Variants in TRIB2 observed in about 807,000 individuals in gnomAD.
TRIB2 encodes the protein tribbles pseudokinase 2, also known as tribbles homolog 2.
A neutral mutation model predicts 26.8 loss-of-function variants in TRIB2; 2 were observed. The ratio of observed to expected loss-of-function variants is 0.07; its 90% CI spans 0.03 to 0.24. The LOEUF (loss-of-function observed/expected upper bound fraction) is 0.24. TRIB2 is among the 10% of genes least tolerant of loss of function. The pLI is 1.00. For missense variants in TRIB2, 306 were observed against 449.0 expected (o/e 0.68, Z 2.88); for synonymous variants, 189 against 187.3 (o/e 1.01, Z -0.08).
intron 2 of TRIB2, among the ~76,000 whole-genome samples, chr2:12,728,802 G>A (rs757095065): frequency 1.3e-5 from 2 of 152,076 alleles, no homozygotes; most frequent in African/African-American, 2.4e-5. Context: ...TGGGGTGGAG[G>A]CGTTTCTCCT....
Position 12,723,499 on chromosome 2 carries a change from G to T in TRIB2, c.510G>T (p.Gly170=). ...ASAVAHCHDG[G]LVLRDLKLRK... ...CAGTGGCCCACTGCCATGACGGGGG[G>T]CTGGTGCTGCGGGACCTCAAGCTGC... Residue 170 remains glycine (G), a synonymous_variant, in exon 2 of 3, where the codon GGG becomes GGT. Coordinates refer to ENST00000155926, the MANE Select transcript of TRIB2 (RefSeq NM_021643.4). The T allele has an allele frequency of 3.1e-6, 5 of 1,614,204 alleles. No individual in the cohort carries two copies. The highest frequency in any genetic ancestry group is 4.2e-6 in the Non-Finnish European group (5 of 1,180,032).
At chr2:12,723,590 G>T in intron 2 of TRIB2, 38 bp downstream of exon 2, 1 of 1,587,002 alleles carries the variant, frequency 6.3e-7, no homozygotes, top group Non-Finnish European at 8.6e-7. Context: ...TACTGTGATG[G>T]ACTGCTCCTA....
At chr2:12,730,149 T>C (rs1661421978) in intron 2 of TRIB2, among the ~76,000 whole-genome samples, 1 of 152,216 alleles carries the variant, frequency 6.6e-6, no homozygotes, top group Non-Finnish European at 1.5e-5. Context: ...TGAAATAATA[T>C]CTAGGGCCCA....
chr2:12,739,379 C>T (rs1661658981), intron 2 of TRIB2, among the ~76,000 whole-genome samples: 1 of 152,206 alleles, frequency 6.6e-6, no homozygotes, highest in African/African-American at 2.4e-5. Context: ...CCTGCCTCGG[C>T]CTCCTGAGCA....
At chr2:12,724,954 T>C (rs1431390249) in intron 2 of TRIB2, 5 of 1,348,122 alleles carry the variant, frequency 3.7e-6, no homozygotes, top group Non-Finnish European at 4.9e-6. Context: ...GAGGTCATAT[T>C]TGTTTACCTC....
intron 2 of TRIB2, among the ~76,000 whole-genome samples, chr2:12,738,111 A>G (rs1204435328): frequency 6.6e-6 from 1 of 152,234 alleles, no homozygotes; most frequent in Non-Finnish European, 1.5e-5. Context: ...GAGTCAACCC[A>G]GGATTTCACT....
intron 2 of TRIB2, among the ~76,000 whole-genome samples, chr2:12,725,704 T>G (rs1661327216): frequency 6.6e-6 from 1 of 152,236 alleles, no homozygotes; most frequent in Non-Finnish European, 1.5e-5. Flanking sequence ...AGTGTGAATG[T>G]GAAACCGAAA....
Position 12,718,247 on chromosome 2 carries a change from C to A in TRIB2, c.-61C>A, listed in dbSNP as rs1319262612. 5.7e-6 allele frequency: 9 copies of A among 1,570,502 alleles called. No individual in the cohort carries two copies. The African/African-American group carries it at 1.1e-4, about 19-fold the overall frequency. On this transcript the variant is annotated 5_prime_UTR_variant, in exon 1 of 3. Transcript: ENST00000155926. The surrounding 1 kb of genome is among the most constrained non-coding windows in gnomAD (Gnocchi z 4.0). ...GCACCGAGGCGCCTGCAGCCGCACT[C>A]GCCAGCGACTCATCTCTCCAGCGGG...
chr2:12,718,472 G>T lies in TRIB2; in HGVS notation c.165G>T (p.Ser55=), dbSNP rs200061820. 3.4e-4 allele frequency: 548 copies of T among 1,614,110 alleles called. No individual in the cohort carries two copies. Among genetic ancestry groups the T allele is most frequent in the Admixed American group, 3.7e-4 (22 of 60,010 alleles). The change falls in exon 1 of 3, where the codon TCG becomes TCT. Residue 55 remains serine (S), a synonymous_variant. Transcript: ENST00000155926. This position sits in a 1 kb window ranked among gnomAD's most constrained non-coding sequence, Gnocchi z 4.0. ...GCCCGCCCGAGACTCCGAACTTGTC[G>T]CATTGCGTTTCTTGTATCGGGAAAT... The part of the protein sequence containing the change: ...SPSPPETPNL[S]HCVSCIGKYL...
At chr2:12,719,783 G>A (rs148861785) in intron 1 of TRIB2, among the ~76,000 whole-genome samples, 17 of 150,346 alleles carry the variant, frequency 1.1e-4, no homozygotes, top group African/African-American at 3.7e-4. Context: ...TCAGTTTTGC[G>A]ATTGTTCAGT....
chr2:12,728,203 T>C (rs1661374650), intron 2 of TRIB2, among the ~76,000 whole-genome samples: 1 of 102,246 alleles, frequency 9.8e-6, no homozygotes, highest in Non-Finnish European at 1.9e-5. Flanking sequence ...CATCATGGAA[T>C]TAAATGTATT....
At chr2:12,731,007 C>G (rs984530694) in intron 2 of TRIB2, among the ~76,000 whole-genome samples, 1 of 152,114 alleles carries the variant, frequency 6.6e-6, no homozygotes. Flanking sequence ...CATTCTATCT[C>G]GCAAACATTT....
chr2:12,727,754 GA>G (rs1661366315), intron 2 of TRIB2, among the ~76,000 whole-genome samples: 1 of 152,190 alleles, frequency 6.6e-6, no homozygotes, highest in South Asian at 2.1e-4. Context: ...GCATTTTGAG[GA>G]AGTTAATCTC....
At chr2:12,720,574 A>G (rs1310482405) in intron 1 of TRIB2, among the ~76,000 whole-genome samples, 1 of 151,480 alleles carries the variant, frequency 6.6e-6, no homozygotes, top group African/African-American at 2.4e-5. Context: ...GCTTACTTTA[A>G]GGCTCAGTGA....
rs75961432 is a variant in TRIB2 at position 12,717,488 on chromosome 2, G to C, written c.-820G>C. On this transcript the variant is annotated 5_prime_UTR_variant, in exon 1 of 3. Transcript: ENST00000155926. This position sits in a 1 kb window ranked among gnomAD's most constrained non-coding sequence, Gnocchi z 4.8. ...TGTGCTGACCTCCGCGCGGCGGGCC[G>C]AGCCCAGGGCTTTGTCGCGGTACCT... 1 of 398,318 alleles carries C rather than the reference G, an allele frequency of 2.5e-6. No individual in the cohort carries two copies. Among genetic ancestry groups the C allele is most frequent in the African/African-American group, 2.1e-5 (1 of 48,636 alleles). 24.7% of individuals were successfully genotyped at this position (398,318 alleles called of 1,614,324 possible).
chr2:12,724,937 A>G (rs184318696), intron 2 of TRIB2: 12 of 1,426,510 alleles, frequency 8.4e-6, no homozygotes, highest in Non-Finnish European at 1.1e-5. Context: ...TGCACCTACA[A>G]AAATAAGAGG....
rs1258703676 is a variant in TRIB2 at position 12,718,850 on chromosome 2, A to C, written c.270+273A>C. 6.6e-6 allele frequency among the ~76,000 whole-genome samples: 1 copy of C among 152,070 alleles called. No homozygotes were observed. The highest frequency in any genetic ancestry group is 1.5e-5 in the Non-Finnish European group (1 of 67,998). On this transcript the variant is annotated intron_variant, in intron 1 of 2. Transcript: ENST00000155926. The surrounding 1 kb of genome is among the most constrained non-coding windows in gnomAD (Gnocchi z 4.0). ...GGGGGCCACGGACACGCGTGCACCGAAGGCTCCAGGAGCTCTCTGCGCGAG... is the reference window on the plus strand; with the variant it reads ...GGGGGCCACGGACACGCGTGCACCGCAGGCTCCAGGAGCTCTCTGCGCGAG...
chr2:12,724,604 C>A, intron 2 of TRIB2: 2 of 1,603,460 alleles, frequency 1.2e-6, no homozygotes, highest in South Asian at 2.2e-5. Flanking sequence ...TGTGGAACCA[C>A]ATTTACCTTT....
Position 12,740,634 on chromosome 2 carries a change from G to C in TRIB2, c.872G>C (p.Arg291Pro). The C allele has an allele frequency of 6.2e-7, 1 of 1,614,162 alleles. No individual in the cohort carries two copies. The highest frequency in any genetic ancestry group is 2.2e-5 in the East Asian group (1 of 44,878). Residue 291 changes from arginine (R) to proline (P), a missense_variant, in exon 3 of 3, where the codon CGG becomes CCG. Physicochemically the swap from Arg to Pro is moderately radical, Grantham distance 103. Around this residue, in one of 4 missense-constraint regions of TRIB2, gnomAD observed 78 missense variants for 104.9 expected, o/e 0.74. Coordinates refer to ENST00000155926, the MANE Select transcript of TRIB2 (RefSeq NM_021643.4). The surrounding 1 kb of genome is among the most constrained non-coding windows in gnomAD (Gnocchi z 5.8). ...AKCLIRSILR[R>P]EPSERLTSQE... ...TGCCTCATCCGAAGCATTCTGCGTC[G>C]GGAGCCCTCAGAGCGGCTGACCTCG... is the stretch of plus-strand genomic sequence containing the variant.
Sources: gnomAD v4.1 joint callset for allele counts (sites outside exome capture counted in the v4.1 genomes callset) on GRCh38, gnomAD v4.1.1 for gene constraint, gnomAD v4.1.1 regional missense constraint, Gnocchi (gnomAD v3.1) non-coding constraint, MANE v1.5 for transcripts, NCBI Gene and HGNC (gene_info 2026-07-23, HGNC 2026-07-21) for gene names.